The following MAP4 variants were observed in gnomAD, a reference collection of about 807,000 sequenced individuals.
MAP4 encodes the protein microtubule associated protein 4.
In MAP4, 76 loss-of-function variants were observed where a neutral mutation model predicts 170.2. The ratio of observed to expected loss-of-function variants is 0.45; its 90% CI spans 0.37 to 0.54. The LOEUF (loss-of-function observed/expected upper bound fraction) is 0.54, where lower values mean the gene tolerates loss of function less well. MAP4 is among the 20% of genes least tolerant of loss of function. The pLI is 0.00. For missense variants in MAP4, 2,506 were observed against 2,748.0 expected (o/e 0.91, Z 1.97); for synonymous variants, 909 against 994.5 (o/e 0.91, Z 1.62).
chr3:47,959,172 A>C (rs1469002867), intron 3 of MAP4, among the ~76,000 whole-genome samples: 1 of 152,160 alleles, frequency 6.6e-6, no homozygotes, highest in Non-Finnish European at 1.5e-5. Context: ...AAAAATGTAT[A>C]TACATGAAGG....
At chr3:48,076,815 G>C (rs1057182716) in intron 1 of MAP4, among the ~76,000 whole-genome samples, 8 of 152,102 alleles carry the variant, frequency 5.3e-5, no homozygotes, top group African/African-American at 1.9e-4. Context: ...GAAAAAACTA[G>C]ATAAACTGGA....
At chr3:47,958,992 T>A (rs955115229) in intron 3 of MAP4, among the ~76,000 whole-genome samples, 1 of 152,100 alleles carries the variant, frequency 6.6e-6, no homozygotes, top group African/African-American at 2.4e-5. Context: ...TGAAATTAGA[T>A]TTATAATACA....
At chr3:47,992,883 G>A (rs1211712370) in intron 2 of MAP4, among the ~76,000 whole-genome samples, 1 of 146,616 alleles carries the variant, frequency 6.8e-6, no homozygotes, top group Non-Finnish European at 1.5e-5. Context: ...CAGCCTGGGT[G>A]ACAGAGAGAC....
intron 10 of MAP4, among the ~76,000 whole-genome samples, chr3:47,878,971 A>T (rs2096110182): frequency 6.6e-6 from 1 of 152,212 alleles, no homozygotes; most frequent in Admixed American, 6.5e-5. Context: ...TGGCAGTGTC[A>T]TTTTCTGAAA....
chr3:48,067,490 C>A (rs2100138900), intron 1 of MAP4, among the ~76,000 whole-genome samples: 1 of 152,082 alleles, frequency 6.6e-6, no homozygotes, highest in African/African-American at 2.4e-5. Flanking sequence ...CCACAGTGCA[C>A]AGCTAATTTT....
At chr3:47,895,265 AG>A (rs763090267) in intron 10 of MAP4, among the ~76,000 whole-genome samples, 6 of 152,238 alleles carry the variant, frequency 3.9e-5, no homozygotes, top group Admixed American at 3.9e-4. Context: ...TTAATAGTTA[AG>A]AGTCTTAGAA....
In MAP4 at chr3:47,929,627, C is replaced by CAAA. The variant is rs71070242; in HGVS notation, c.293-1280_293-1278dup. Reference sequence around the variant, plus strand: ...GTAGCTCACTTGCTAACTTATTATGCAAAAAAAAAAAAAAAAAAAAAAAAA... The same window carrying CAAA: ...GTAGCTCACTTGCTAACTTATTATGCAAAAAAAAAAAAAAAAAAAAAAAAAAAA... On this transcript the variant is annotated intron_variant, in intron 3 of 20. Coordinates refer to ENST00000683076, the MANE Select transcript of MAP4 (RefSeq NM_001385682.1). 5.8e-3 allele frequency among the ~76,000 whole-genome samples: 65 copies of CAAA among 11,204 alleles called. 6 individuals are homozygous for CAAA. The highest frequency in any genetic ancestry group is 0.012 in the East Asian group (4 of 332). 7.4% of individuals were successfully genotyped at this position (11,204 alleles called of 152,430 possible). A position where few individuals can be genotyped will look rare whatever the true frequency, so the allele number is the denominator to read the frequency against.
intron 2 of MAP4, among the ~76,000 whole-genome samples, chr3:47,979,885 T>A (rs1031628913): frequency 6.6e-6 from 1 of 152,152 alleles, no homozygotes; most frequent in Non-Finnish European, 1.5e-5. Flanking sequence ...AGTGCAGTAG[T>A]GCAATCGTGG....
At chr3:47,971,683 G>A (rs922838199) in intron 3 of MAP4, among the ~76,000 whole-genome samples, 9 of 152,142 alleles carry the variant, frequency 5.9e-5, no homozygotes, top group African/African-American at 1.9e-4. Flanking sequence ...CAAATAATTT[G>A]TAGTTAAGTC....
chr3:47,953,289 G>A (rs2100065661), intron 3 of MAP4, among the ~76,000 whole-genome samples: 1 of 151,820 alleles, frequency 6.6e-6, no homozygotes, highest in Non-Finnish European at 1.5e-5. Context: ...TCAGCAGGGG[G>A]GCCAAGGTAG....
At chr3:48,058,673 G>C (rs1465263887) in intron 1 of MAP4, among the ~76,000 whole-genome samples, 1 of 152,118 alleles carries the variant, frequency 6.6e-6, no homozygotes, top group Admixed American at 6.5e-5. Flanking sequence ...ATGTATACAG[G>C]AATCTTTATT....
Position 47,909,302 on chromosome 3 carries a change from C to G in MAP4, c.5119G>C (p.Glu1707Gln). Residue 1707 changes from glutamate to glutamine, a missense_variant, in exon 9 of 21, where the codon GAG (glutamate) becomes CAG (glutamine). By Grantham distance (29) the Glu-to-Gln change is conservative. This residue lies in a region of MAP4 where 2,008 missense variants were observed against 2,206.0 expected (regional missense o/e 0.91). Coordinates refer to ENST00000683076, the MANE Select transcript of MAP4 (RefSeq NM_001385682.1). ...ATTATTACTAACGTATCCGCCACCT[C>G]TGAAGGAGGAGCTTCGACTTTGCTA... is the stretch of plus-strand genomic sequence containing the variant. ...LHSKVEAPPSEVADTLVIMTA... is the reference protein window; with the variant it reads ...LHSKVEAPPSQVADTLVIMTA... 1 of 1,613,954 alleles carries G rather than the reference C, an allele frequency of 6.2e-7. No individual in the cohort carries two copies. Among genetic ancestry groups the G allele is most frequent in the Non-Finnish European group, 8.5e-7 (1 of 1,179,858 alleles).
chr3:48,014,476 G>T (rs1400404591), intron 1 of MAP4, among the ~76,000 whole-genome samples: 1 of 152,082 alleles, frequency 6.6e-6, no homozygotes, highest in Non-Finnish European at 1.5e-5. Context: ...TGGGCAAAAT[G>T]GCAAAACCCC....
chr3:47,966,165 C>G, intron 3 of MAP4, among the ~76,000 whole-genome samples: 1 of 150,308 alleles, frequency 6.7e-6, no homozygotes, highest in East Asian at 2.0e-4. Context: ...CCTTGAACTC[C>G]TCAGCTCAAA....
intron 3 of MAP4, among the ~76,000 whole-genome samples, chr3:47,959,161 T>C (rs1203039635): frequency 6.6e-6 from 1 of 151,832 alleles, no homozygotes; most frequent in Non-Finnish European, 1.5e-5. Flanking sequence ...AAAGCACTTT[T>C]AAAAATGTAT....
intron 1 of MAP4, among the ~76,000 whole-genome samples, chr3:48,074,127 C>T (rs1325705002): frequency 6.6e-6 from 1 of 151,762 alleles, no homozygotes; most frequent in Admixed American, 6.6e-5. Flanking sequence ...ACTATGCAGC[C>T]ATAAAAAAGG....
At chr3:47,890,349 T>C (rs2098342885) in intron 10 of MAP4, among the ~76,000 whole-genome samples, 1 of 152,128 alleles carries the variant, frequency 6.6e-6, no homozygotes, top group Non-Finnish European at 1.5e-5. Context: ...CTTTCTTCTT[T>C]TTCTCCCCAC....
At chr3:47,904,310 C>CTATTAT (rs762967251) in intron 9 of MAP4, among the ~76,000 whole-genome samples, 4 of 151,772 alleles carry the variant, frequency 2.6e-5, no homozygotes, top group African/African-American at 9.7e-5. Context: ...GTGGTAGGTG[C>CTATTAT]TATTATTATT....
intron 3 of MAP4, among the ~76,000 whole-genome samples, chr3:47,967,429 G>T (rs1029249066): frequency 6.6e-6 from 1 of 152,108 alleles, no homozygotes; most frequent in African/African-American, 2.4e-5. Flanking sequence ...GAGATGGGCA[G>T]ATCACTGAGG....
Sources: gnomAD v4.1 joint callset for allele counts (sites outside exome capture counted in the v4.1 genomes callset) on GRCh38, gnomAD v4.1.1 for gene constraint, gnomAD v4.1.1 regional missense constraint, MANE v1.5 for transcripts, NCBI Gene and HGNC (gene_info 2026-07-23, HGNC 2026-07-21) for gene names.